Variants in NKAIN2 observed in about 807,000 individuals in gnomAD.
NKAIN2 encodes the protein sodium/potassium transporting ATPase interacting 2.
In NKAIN2, 14 loss-of-function variants were observed where a neutral mutation model predicts 32.6. The observed-to-expected ratio is 0.43, with a 90% confidence interval of 0.28 to 0.67. The LOEUF (loss-of-function observed/expected upper bound fraction) is 0.67. Ranked by LOEUF, NKAIN2 falls within the 30% of genes least tolerant of loss-of-function variation. The pLI, the probability that NKAIN2 is intolerant of heterozygous loss-of-function variation, is 0.17. For synonymous variants in NKAIN2, 80 were observed against 87.2 expected (o/e 0.92, Z 0.46); for missense variants, 198 against 258.3 (o/e 0.77, Z 1.60).
chr6:123,861,133 G>A (rs1460660049), intron 1 of NKAIN2, among the ~76,000 whole-genome samples: 1 of 152,246 alleles, frequency 6.6e-6, no homozygotes, highest in Non-Finnish European at 1.5e-5. Context: ...GCAGATAATG[G>A]CTTCCAATGA....
At chr6:124,207,133 A>T (rs183927156) in intron 1 of NKAIN2, among the ~76,000 whole-genome samples, 1 of 151,768 alleles carries the variant, frequency 6.6e-6, no homozygotes, top group Non-Finnish European at 1.5e-5. Context: ...GTTTCAACAT[A>T]ATAAGGAACT....
chr6:124,649,613 A>G (rs1784295597), intron 3 of NKAIN2, among the ~76,000 whole-genome samples: 1 of 152,182 alleles, frequency 6.6e-6, no homozygotes, highest in Non-Finnish European at 1.5e-5. Flanking sequence ...AACACAGTCT[A>G]TGATGCTAGC....
intron 1 of NKAIN2, among the ~76,000 whole-genome samples, chr6:123,975,665 CT>C (rs1456501596): frequency 6.6e-6 from 1 of 152,080 alleles, no homozygotes; most frequent in East Asian, 1.9e-4. Flanking sequence ...GGCCAACTTC[CT>C]CATAAGTGGC....
chr6:124,198,510 A>T (rs1790433021), intron 1 of NKAIN2, among the ~76,000 whole-genome samples: 1 of 151,756 alleles, frequency 6.6e-6, no homozygotes, highest in Admixed American at 6.6e-5. Flanking sequence ...CTCTATTGAT[A>T]GGAAGCTTTG....
chr6:124,348,789 C>T lies in NKAIN2; in HGVS notation c.193-6478C>T, dbSNP rs566486984. On this transcript the variant is annotated intron_variant, in intron 2 of 6. Coordinates refer to ENST00000368417, the MANE Select transcript of NKAIN2 (RefSeq NM_001040214.3). ...GCACCTTGCATGAGCCGAAGCAGGGCGAGGCATTGCCTCACTGGGGAAGCT... is the reference window on the plus strand; with the variant it reads ...GCACCTTGCATGAGCCGAAGCAGGGTGAGGCATTGCCTCACTGGGGAAGCT... Among the ~76,000 whole-genome samples the T allele has an allele frequency of 2.9e-3, 446 of 152,292 alleles. 1 individual carries two copies. Among genetic ancestry groups the T allele is most frequent in the Non-Finnish European group, 5.2e-3 (353 of 68,006 alleles).
chr6:123,921,828 G>C (rs1775767180), intron 1 of NKAIN2, among the ~76,000 whole-genome samples: 1 of 152,082 alleles, frequency 6.6e-6, no homozygotes, highest in Admixed American at 6.6e-5. Context: ...CTACTCAGGA[G>C]GCTGAGGCAG....
intron 3 of NKAIN2, among the ~76,000 whole-genome samples, chr6:124,542,594 C>G (rs939116877): frequency 6.6e-6 from 1 of 152,086 alleles, no homozygotes; most frequent in Non-Finnish European, 1.5e-5. Context: ...GAACAAGGTA[C>G]AGCTTTAAGT....
chr6:123,912,623 C>A (rs939647601), intron 1 of NKAIN2, among the ~76,000 whole-genome samples: 1 of 152,094 alleles, frequency 6.6e-6, no homozygotes, highest in African/African-American at 2.4e-5. Context: ...AAGAATCTGG[C>A]ACCTCCTCCT....
intron 1 of NKAIN2, among the ~76,000 whole-genome samples, chr6:123,903,118 T>C (rs1489251623): frequency 6.6e-6 from 1 of 152,222 alleles, no homozygotes; most frequent in African/African-American, 2.4e-5. Context: ...TATTGATTGA[T>C]AGTGAGTGAA....
intron 4 of NKAIN2, among the ~76,000 whole-genome samples, chr6:124,702,081 A>G (rs1774819588): frequency 6.6e-6 from 1 of 152,266 alleles, no homozygotes; most frequent in East Asian, 1.9e-4. Context: ...AAGTTGGGTT[A>G]CATTGAACTG....
At chr6:124,689,950 C>G (rs1774179185) in intron 4 of NKAIN2, among the ~76,000 whole-genome samples, 1 of 152,056 alleles carries the variant, frequency 6.6e-6, no homozygotes, top group African/African-American at 2.4e-5. Flanking sequence ...CTTTTCCTCT[C>G]CATATAAAGA....
At chr6:124,410,695 G>A (rs1450071414) in intron 3 of NKAIN2, among the ~76,000 whole-genome samples, 1 of 152,174 alleles carries the variant, frequency 6.6e-6, no homozygotes, top group African/African-American at 2.4e-5. Context: ...GGAGAGTTCT[G>A]TAGATGTCTA....
intron 2 of NKAIN2, among the ~76,000 whole-genome samples, chr6:124,336,337 A>G (rs1278467833): frequency 6.6e-6 from 1 of 152,182 alleles, no homozygotes; most frequent in Non-Finnish European, 1.5e-5. Flanking sequence ...TAGGCTTGTT[A>G]CAAATTTCAG....
chr6:124,312,613 C>T (rs1796768968), intron 2 of NKAIN2, among the ~76,000 whole-genome samples: 1 of 152,194 alleles, frequency 6.6e-6, no homozygotes, highest in South Asian at 2.1e-4. Context: ...GTGTGCTGCT[C>T]TCTGGGAATC....
At chr6:124,449,241 C>G (rs1776007645) in intron 3 of NKAIN2, among the ~76,000 whole-genome samples, 1 of 151,048 alleles carries the variant, frequency 6.6e-6, no homozygotes, top group Non-Finnish European at 1.5e-5. Context: ...TTTTTTTTTC[C>G]TAAAATAGAC....
chr6:124,369,880 A>ATTTTTTTTTTTTTTTTTTTTTTTTT (rs61588781), intron 3 of NKAIN2, among the ~76,000 whole-genome samples: 3 of 82,384 alleles, frequency 3.6e-5, no homozygotes, highest in African/African-American at 1.1e-4. Context: ...CAGAATGTCA[A>ATTTTTTTTTTTTTTTTTTTTTTTTT]TTTTTTTTTT....
chr6:124,066,892 GT>G (rs1783213862), intron 1 of NKAIN2, among the ~76,000 whole-genome samples: 1 of 142,334 alleles, frequency 7.0e-6, no homozygotes, highest in Admixed American at 6.9e-5. Flanking sequence ...GTGTGTGTGT[GT>G]GTGTGTTAAA....
At chr6:124,324,646 C>T (rs1797342272) in intron 2 of NKAIN2, among the ~76,000 whole-genome samples, 1 of 151,946 alleles carries the variant, frequency 6.6e-6, no homozygotes, top group Non-Finnish European at 1.5e-5. Flanking sequence ...GCTTTATTTA[C>T]AGTCTTATGG....
At chr6:124,350,943 A>G (rs1300784806) in intron 2 of NKAIN2, among the ~76,000 whole-genome samples, 1 of 152,152 alleles carries the variant, frequency 6.6e-6, no homozygotes, top group Non-Finnish European at 1.5e-5. Context: ...GAGCTATGAT[A>G]GCACCACTGC....
Sources: allele counts gnomAD v4.1 joint callset (sites outside exome capture counted in the v4.1 genomes callset), GRCh38; gene constraint gnomAD v4.1.1; transcripts MANE v1.5; gene names NCBI Gene and HGNC (gene_info 2026-07-23, HGNC 2026-07-21).